Variants in MARCHF3 observed in about 807,000 individuals in gnomAD.
MARCHF3 encodes the protein E3 ubiquitin-protein ligase MARCHF3.
Under a neutral mutation model 24.2 loss-of-function variants are expected in MARCHF3, and 13 were observed. The observed-to-expected ratio is 0.54, with a 90% CI of 0.35 to 0.85. MARCHF3 has a LOEUF of 0.85. MARCHF3 is among the 40% of genes least tolerant of loss of function. MARCHF3 has a pLI of 0.01. For synonymous variants in MARCHF3, 144 were observed against 137.3 expected, an observed-to-expected ratio of 1.05 and a Z score of -0.34; for missense variants, 276 against 325.0, an observed-to-expected ratio of 0.85 and a Z score of 1.16.
chr5:127,006,786 C>A lies in MARCHF3; in HGVS notation c.-57+23564G>T, dbSNP rs565932184. Among the ~76,000 whole-genome samples, 9 of 152,232 alleles carry A rather than the reference C, an allele frequency of 5.9e-5. No homozygotes were observed. The East Asian group carries it at 1.5e-3, about 26-fold the overall frequency. On this transcript the variant is annotated intron_variant, in intron 1 of 4. Transcript: ENST00000308660. ...CAATTTACTACATAGTATTATATGG[C>A]TTCTACTGTACAAGATATTAAAGGT...
At chr5:126,895,234 AC>A (rs1211090769) in intron 3 of MARCHF3, among the ~76,000 whole-genome samples, 1 of 151,996 alleles carries the variant, frequency 6.6e-6, no homozygotes, top group Non-Finnish European at 1.5e-5. Flanking sequence ...AAAGTTTTCA[AC>A]TTCTTTGCCT....
At chr5:126,930,364 A>T (rs185908047) in intron 1 of MARCHF3, among the ~76,000 whole-genome samples, 1 of 152,296 alleles carries the variant, frequency 6.6e-6, no homozygotes, top group African/African-American at 2.4e-5. Flanking sequence ...AAATGAGAAC[A>T]ATTCTAAACC....
chr5:127,023,703 C>G (rs1185170625), intron 1 of MARCHF3, among the ~76,000 whole-genome samples: 1 of 150,868 alleles, frequency 6.6e-6, no homozygotes, highest in Admixed American at 6.6e-5. Flanking sequence ...TGCACTCTAG[C>G]CTGGGTGACA....
At chr5:127,012,567 CA>C (rs1452152629) in intron 1 of MARCHF3, among the ~76,000 whole-genome samples, 1 of 151,964 alleles carries the variant, frequency 6.6e-6, no homozygotes, top group Non-Finnish European at 1.5e-5. Flanking sequence ...AAAGAGTAGA[CA>C]AAAACTAATA....
Position 126,951,524 on chromosome 5 carries a change from A to G in MARCHF3, c.-56-33297T>C, listed in dbSNP as rs141395631. ...CCACCACCCCCAACAAAACTGTTCT[A>G]TCTGCAGTCATCTTCATCTCAGTCA... On this transcript the variant is annotated intron_variant, in intron 1 of 4. Transcript: ENST00000308660. Among the ~76,000 whole-genome samples the G allele has an allele frequency of 7.8e-3, 1,183 of 152,302 alleles. 7 individuals carry two copies. Among genetic ancestry groups the G allele is most frequent in the Middle Eastern group, 0.024 (7 of 294 alleles).
At chr5:126,925,174 TG>T (rs1313942937) in intron 1 of MARCHF3, among the ~76,000 whole-genome samples, 10 of 152,270 alleles carry the variant, frequency 6.6e-5, no homozygotes. Context: ...GGTTTTGATT[TG>T]GGGGTAATGG....
chr5:126,935,018 A>G (rs1158597059), intron 1 of MARCHF3, among the ~76,000 whole-genome samples: 1 of 152,158 alleles, frequency 6.6e-6, no homozygotes, highest in African/African-American at 2.4e-5. Context: ...ATTCAGAAAT[A>G]TTATTAGGTG....
chr5:126,975,141 G>C (rs1012900335), intron 1 of MARCHF3, among the ~76,000 whole-genome samples: 1 of 152,148 alleles, frequency 6.6e-6, no homozygotes, highest in African/African-American at 2.4e-5. Context: ...ATTTTTAGTA[G>C]AGACAGGGTT....
At chr5:126,901,150 C>G (rs1754092300) in intron 3 of MARCHF3, among the ~76,000 whole-genome samples, 1 of 152,076 alleles carries the variant, frequency 6.6e-6, no homozygotes, top group Non-Finnish European at 1.5e-5. Context: ...ATACCTGAGA[C>G]ATTGAAATAA....
chr5:126,983,643 T>G (rs1257444677), intron 1 of MARCHF3, among the ~76,000 whole-genome samples: 1 of 152,184 alleles, frequency 6.6e-6, no homozygotes, highest in East Asian at 1.9e-4. Context: ...ATTTATGATT[T>G]ATGATGCTGA....
chr5:126,938,911 G>A (rs1448091429), intron 1 of MARCHF3, among the ~76,000 whole-genome samples: 2 of 152,156 alleles, frequency 1.3e-5, no homozygotes, highest in Admixed American at 6.5e-5. Flanking sequence ...ACCATATAGT[G>A]ATTTCCTTTT....
chr5:127,027,272 T>A lies in MARCHF3; in HGVS notation c.-57+3078A>T, dbSNP rs527465231. Among the ~76,000 whole-genome samples the A allele has an allele frequency of 1.1e-3, 163 of 152,230 alleles. 1 individual carries two copies. The South Asian group carries it at 0.014, about 13-fold the overall frequency. On this transcript the variant is annotated intron_variant, in intron 1 of 4. Coordinates refer to ENST00000308660, the MANE Select transcript of MARCHF3 (RefSeq NM_178450.5). ...TAAGGTGACTTTCAGAAAGTAAGAA[T>A]CTCTGGGCCTCTGGGTGGGTGGCCT...
chr5:126,973,848 T>A (rs1259332760), intron 1 of MARCHF3, among the ~76,000 whole-genome samples: 1 of 151,414 alleles, frequency 6.6e-6, no homozygotes, highest in East Asian at 1.9e-4. Context: ...GTAAGAGGAA[T>A]ACTTTCTATC....
At chr5:127,004,435 G>T (rs933673695) in intron 1 of MARCHF3, among the ~76,000 whole-genome samples, 1 of 152,124 alleles carries the variant, frequency 6.6e-6, no homozygotes, top group African/African-American at 2.4e-5. Context: ...GGCAGAAATA[G>T]AATTTAAATT....
chr5:126,983,295 G>A (rs1211825140), intron 1 of MARCHF3, among the ~76,000 whole-genome samples: 1 of 152,188 alleles, frequency 6.6e-6, no homozygotes, highest in Non-Finnish European at 1.5e-5. Flanking sequence ...AGGAGGGCAG[G>A]GAAGGGGTGG....
intron 1 of MARCHF3, among the ~76,000 whole-genome samples, chr5:127,027,202 G>A (rs1171115556): frequency 6.6e-6 from 1 of 152,174 alleles, no homozygotes; most frequent in Admixed American, 6.5e-5. Flanking sequence ...CTGTGACAAT[G>A]AGAAAATCTA....
At chr5:127,024,236 T>C (rs573876193) in intron 1 of MARCHF3, among the ~76,000 whole-genome samples, 4 of 152,324 alleles carry the variant, frequency 2.6e-5, no homozygotes, top group African/African-American at 9.6e-5. Context: ...CTGCTAAAGT[T>C]GACAGTTGAA....
chr5:126,909,790 G>C (rs899709970), intron 3 of MARCHF3, among the ~76,000 whole-genome samples: 1 of 152,118 alleles, frequency 6.6e-6, no homozygotes, highest in African/African-American at 2.4e-5. Flanking sequence ...CTCACGCTGG[G>C]AGCTGTAGAC....
At chr5:126,973,861 G>A (rs1223003292) in intron 1 of MARCHF3, among the ~76,000 whole-genome samples, 1 of 146,744 alleles carries the variant, frequency 6.8e-6, no homozygotes, top group African/African-American at 2.5e-5. Flanking sequence ...TTTCTATCCA[G>A]AATATTAAGC....
Sources: gnomAD v4.1 joint callset for allele counts (sites outside exome capture counted in the v4.1 genomes callset) on GRCh38, gnomAD v4.1.1 for gene constraint, MANE v1.5 for transcripts, NCBI Gene and HGNC (gene_info 2026-07-23, HGNC 2026-07-21) for gene names.